Variants in C1orf21 observed in about 807,000 individuals in gnomAD.
C1orf21 encodes chromosome 1 open reading frame 21.
A neutral mutation model predicts 18.7 loss-of-function variants in C1orf21; 3 were observed. The ratio of observed to expected loss-of-function variants is 0.16; its 90% CI spans 0.07 to 0.42. C1orf21 has a LOEUF of 0.42. C1orf21 is among the 10% of genes least tolerant of loss of function. C1orf21 has a pLI of 0.99. For synonymous variants in C1orf21, 41 were observed against 46.4 expected (o/e 0.88, Z 0.47); for missense variants, 104 against 143.6 (o/e 0.72, Z 1.41).
In C1orf21 at chr1:184,625,739, C is replaced by A. The variant is rs991173128; in HGVS notation, c.*6183C>A. 2 of 152,488 alleles carry A rather than the reference C, an allele frequency of 1.3e-5. No individual in the cohort carries two copies. The highest frequency in any genetic ancestry group is 3.9e-4 in the East Asian group (2 of 5,178). 9.4% of individuals were successfully genotyped at this position (152,488 alleles called of 1,614,324 possible). A position where few individuals can be genotyped will look rare whatever the true frequency, so the allele number is the denominator to read the frequency against. On this transcript the variant is annotated 3_prime_UTR_variant, in exon 6 of 6. Transcript: ENST00000235307. ...CATCACTCTTGAGAAAGTTTGAGTT[C>A]GACTCACATGGGAGAATCGAGGTCT... is the stretch of plus-strand genomic sequence containing the variant.
intron 5 of C1orf21, among the ~76,000 whole-genome samples, chr1:184,613,753 T>C (rs1659775639): frequency 6.6e-6 from 1 of 152,092 alleles, no homozygotes; most frequent in Non-Finnish European, 1.5e-5. Flanking sequence ...AATACAAAGA[T>C]GGACAAGAAA....
chr1:184,522,549 G>A (rs1191127177), intron 3 of C1orf21, among the ~76,000 whole-genome samples: 2 of 152,098 alleles, frequency 1.3e-5, no homozygotes, highest in Non-Finnish European at 2.9e-5. Context: ...AATATGATGG[G>A]ATATGTCAAA....
chr1:184,517,389 A>T (rs1658246862), intron 3 of C1orf21, among the ~76,000 whole-genome samples: 1 of 152,188 alleles, frequency 6.6e-6, no homozygotes, highest in Non-Finnish European at 1.5e-5. Flanking sequence ...CTTAGAAATG[A>T]CTATTTACCT....
intron 3 of C1orf21, among the ~76,000 whole-genome samples, chr1:184,539,631 C>T (rs758015314): frequency 2.0e-5 from 3 of 152,190 alleles, no homozygotes; most frequent in Non-Finnish European, 4.4e-5. Flanking sequence ...CTTTTCACAG[C>T]TGCATGTTTT....
chr1:184,534,668 C>T (rs1227345176), intron 3 of C1orf21, among the ~76,000 whole-genome samples: 3 of 151,912 alleles, frequency 2.0e-5, no homozygotes, highest in Non-Finnish European at 4.4e-5. Flanking sequence ...TGCCAAGAAC[C>T]GTCCCAGATG....
In C1orf21 at chr1:184,614,693, T is replaced by A. The variant is rs1240293291; in HGVS notation, c.328-4825T>A. 6.6e-5 allele frequency among the ~76,000 whole-genome samples: 10 copies of A among 152,204 alleles called. No individual in the cohort carries two copies. In the East Asian group the frequency reaches 1.9e-3, roughly 29 times the overall value. On this transcript the variant is annotated intron_variant, in intron 5 of 5. Coordinates refer to ENST00000235307, the MANE Select transcript of C1orf21 (RefSeq NM_030806.4). ...GTAGAATCAGTGGGAGCCTTGAGCT[T>A]GTTTTCCTGCAACAAGATGGTCCCA...
intron 3 of C1orf21, among the ~76,000 whole-genome samples, chr1:184,575,471 A>G (rs968888978): frequency 1.3e-5 from 2 of 152,202 alleles, no homozygotes; most frequent in African/African-American, 4.8e-5. Flanking sequence ...GGTATGGAAG[A>G]GGGTGTATGA....
intron 3 of C1orf21, among the ~76,000 whole-genome samples, chr1:184,570,885 T>G (rs1243012538): frequency 6.6e-6 from 1 of 152,220 alleles, no homozygotes; most frequent in African/African-American, 2.4e-5. Flanking sequence ...GGCTCTATGG[T>G]ATAGCCTGTT....
rs563211672 is a variant in C1orf21 at position 184,624,524 on chromosome 1, A to G, written c.*4968A>G. 6.6e-6 allele frequency: 1 copy of G among 152,282 alleles called. No homozygotes were observed. Among genetic ancestry groups the G allele is most frequent in the East Asian group, 1.9e-4 (1 of 5,180 alleles). 9.4% of individuals were successfully genotyped at this position (152,282 alleles called of 1,614,324 possible). A position where few individuals can be genotyped will look rare whatever the true frequency, so the allele number is the denominator to read the frequency against. On this transcript the variant is annotated 3_prime_UTR_variant, in exon 6 of 6. Transcript: ENST00000235307. ...TCACAAACTGTATCTTTTTAAGGTT[A>G]AAAGTCTTGACCTTCATGGGGGTCT... is the stretch of plus-strand genomic sequence containing the variant.
chr1:184,535,050 G>A (rs1325366291), intron 3 of C1orf21, among the ~76,000 whole-genome samples: 3 of 149,998 alleles, frequency 2.0e-5, no homozygotes, highest in African/African-American at 7.3e-5. Context: ...GCAACAAGGA[G>A]CTCTTGAAAT....
intron 2 of C1orf21, among the ~76,000 whole-genome samples, chr1:184,491,558 C>T (rs1348496861): frequency 2.0e-5 from 3 of 152,134 alleles, no homozygotes; most frequent in African/African-American, 7.2e-5. Flanking sequence ...CACCATATTG[C>T]CCAGGCTGTT....
chr1:184,506,804 A>T (rs1658069363), intron 2 of C1orf21, among the ~76,000 whole-genome samples: 1 of 152,138 alleles, frequency 6.6e-6, no homozygotes, highest in African/African-American at 2.4e-5. Context: ...TCTATGGTGT[A>T]TATTGATACT....
chr1:184,582,056 G>C (rs1231298987), intron 3 of C1orf21, among the ~76,000 whole-genome samples: 1 of 152,140 alleles, frequency 6.6e-6, no homozygotes. Context: ...GTTGAATCTG[G>C]CAGCTTGGGC....
chr1:184,521,377 C>T (rs376598229), intron 3 of C1orf21, among the ~76,000 whole-genome samples: 3 of 152,100 alleles, frequency 2.0e-5, no homozygotes, highest in Admixed American at 6.6e-5. Context: ...CTGGAAGCAA[C>T]CAAGGTGTCC....
intron 3 of C1orf21, among the ~76,000 whole-genome samples, chr1:184,578,178 G>A (rs1044584404): frequency 6.6e-6 from 1 of 151,788 alleles, no homozygotes; most frequent in African/African-American, 2.4e-5. Flanking sequence ...GGCTGGTCTC[G>A]AACTCCTGAC....
chr1:184,488,266 T>C (rs2101954722), intron 2 of C1orf21, among the ~76,000 whole-genome samples: 1 of 152,366 alleles, frequency 6.6e-6, no homozygotes, highest in Non-Finnish European at 1.5e-5. Flanking sequence ...TCAGGAATGA[T>C]GAATATAATA....
rs552356320 is a variant in C1orf21 at position 184,556,014 on chromosome 1, C to T, written c.190-34725C>T. Among the ~76,000 whole-genome samples, 19 of 152,188 alleles carry T rather than the reference C, an allele frequency of 1.2e-4. No homozygotes were observed. The East Asian group carries it at 1.9e-3, about 16-fold the overall frequency. Reference sequence around the variant, plus strand: ...CTTTGTCCTGAACTGTACTCTAGAACGATCTGTAAGAAATGTCCTAATAGG... The same window carrying T: ...CTTTGTCCTGAACTGTACTCTAGAATGATCTGTAAGAAATGTCCTAATAGG... On this transcript the variant is annotated intron_variant, in intron 3 of 5. Transcript: ENST00000235307.
intron 5 of C1orf21, among the ~76,000 whole-genome samples, chr1:184,612,551 C>T (rs1659752956): frequency 1.3e-5 from 2 of 152,148 alleles, no homozygotes; most frequent in Non-Finnish European, 1.5e-5. Context: ...CATGATGAAA[C>T]CTTGTCTCTG....
intron 3 of C1orf21, among the ~76,000 whole-genome samples, chr1:184,546,656 G>A (rs957511338): frequency 1.3e-5 from 2 of 152,166 alleles, no homozygotes; most frequent in African/African-American, 4.8e-5. Context: ...TGTAAAGCAG[G>A]GAGATTTATA....
Sources: allele counts gnomAD v4.1 joint callset (sites outside exome capture counted in the v4.1 genomes callset), GRCh38; gene constraint gnomAD v4.1.1; transcripts MANE v1.5; gene names NCBI Gene and HGNC (gene_info 2026-07-23, HGNC 2026-07-21).